Variants in HLA-DQB1 observed in about 807,000 individuals in gnomAD.
HLA-DQB1 encodes HLA class II histocompatibility antigen, DQ beta 1 chain.
HLA-DQB1 carries 13 observed loss-of-function variants against 26.4 expected under a neutral mutation model. The ratio of observed to expected loss-of-function variants is 0.49; its 90% CI spans 0.32 to 0.78. The LOEUF (loss-of-function observed/expected upper bound fraction) is 0.78. Among genes scored for constraint, HLA-DQB1 ranks in the 30% least tolerant of loss-of-function variants. The pLI, the probability that HLA-DQB1 is intolerant of heterozygous loss-of-function variation, is 0.03. For missense variants in HLA-DQB1, 158 were observed against 326.2 expected (o/e 0.48, Z 3.97); for synonymous variants, 60 against 129.1 (o/e 0.46, Z 3.63).
chr6:32,666,129 C>A (rs9274494), intron 1 of HLA-DQB1, among the ~76,000 whole-genome samples: 101,859 of 135,134 alleles, frequency 0.75, 39,048 homozygotes, highest in East Asian at 0.91. Flanking sequence ...ATCTCATAAT[C>A]CTAAGTCCAG....
intron 1 of HLA-DQB1, among the ~76,000 whole-genome samples, chr6:32,666,124 A>G (rs281861162): frequency 2.3e-5 from 2 of 86,812 alleles, no homozygotes; most frequent in Non-Finnish European, 4.8e-5. Context: ...GCAGGATCTC[A>G]TAATCCTAAG....
At chr6:32,661,591 A>AG (rs28986211) in intron 3 of HLA-DQB1, 134 bp from the exon 4 acceptor site, 19,656 of 503,268 alleles carry the variant, frequency 0.039, 1,371 homozygotes, top group Middle Eastern at 0.061. Context: ...ACCACCCCTA[A>AG]GGAGGGGAAA....
Position 32,666,617 on chromosome 6 carries a change from G to T in HLA-DQB1, c.-10C>A. ...CCTTCTTCCAAGACATAACTGAGAC[G>T]AAGGGAAAAGCAGTGGTAGTCAACA... On this transcript the variant is annotated 5_prime_UTR_variant, in exon 1 of 5. Transcript: ENST00000434651. 5.2e-6 allele frequency: 5 copies of T among 962,220 alleles called. 1 individual carries two copies. Among genetic ancestry groups the T allele is most frequent in the South Asian group, 1.4e-5 (1 of 69,264 alleles). 59.6% of individuals were successfully genotyped at this position (962,220 alleles called of 1,614,324 possible). A position where few individuals can be genotyped will look rare whatever the true frequency, so the allele number is the denominator to read the frequency against.
At chr6:32,665,096 G>GGCCCCGGCCCT in intron 1 of HLA-DQB1, 29 bp from the exon 2 acceptor site, 1 of 1,093,556 alleles carries the variant, frequency 9.1e-7, no homozygotes, top group Non-Finnish European at 1.2e-6. Context: ...CGGTCAGTCA[G>GGCCCCGGCCCT]GCCCCAGCCC....
At chr6:32,662,824 C>G (rs281863742) in intron 2 of HLA-DQB1, 1 of 141,540 alleles carries the variant, frequency 7.1e-6, no homozygotes, top group Non-Finnish European at 1.6e-5. Context: ...TTCTTTTTTT[C>G]CTTAATTTCT....
chr6:32,660,434 T>C, intron 4 of HLA-DQB1, 185 bp from the exon 5 acceptor site: 1 of 347,326 alleles, frequency 2.9e-6, no homozygotes, highest in Non-Finnish European at 5.2e-6. Context: ...AACTTCAGCT[T>C]GATGCAGATG....
intron 4 of HLA-DQB1, 97 bp downstream of exon 4, chr6:32,661,250 A>ACG (rs1782955807): frequency 2.0e-6 from 1 of 507,918 alleles, no homozygotes; most frequent in Admixed American, 4.7e-5. Context: ...ACTTCTTCTC[A>ACG]GGGTCAGGAG....
At chr6:32,666,171 C>A (rs35353422) in intron 1 of HLA-DQB1, among the ~76,000 whole-genome samples, 26,417 of 148,620 alleles carry the variant, frequency 0.18, 2,740 homozygotes, top group Middle Eastern at 0.33. Flanking sequence ...ATGACAAATC[C>A]TGCTGTGTCT....
intron 1 of HLA-DQB1, among the ~76,000 whole-genome samples, chr6:32,665,615 C>G (rs9274457): frequency 0.38 from 46,845 of 124,308 alleles, 12,729 homozygotes; most frequent in Middle Eastern, 0.54. Context: ...AAAGGACCTA[C>G]ACCTCTGAGT....
At chr6:32,666,433 T>C (rs281860905) in intron 1 of HLA-DQB1, 66 bp downstream of exon 1, 2 of 541,740 alleles carry the variant, frequency 3.7e-6, no homozygotes, top group South Asian at 2.4e-5. Flanking sequence ...CCATCCCCCA[T>C]ACCCCAGCCC....
chr6:32,666,058 A>T (rs114494855), intron 1 of HLA-DQB1, among the ~76,000 whole-genome samples: 20,210 of 109,386 alleles, frequency 0.18, 2,416 homozygotes, highest in South Asian at 0.39. Flanking sequence ...GAATAGAGAC[A>T]AATTTTCCTC....
At chr6:32,661,303 C>G in intron 4 of HLA-DQB1, 44 bp downstream of exon 4, 1 of 1,182,950 alleles carries the variant, frequency 8.5e-7, no homozygotes, top group Non-Finnish European at 1.2e-6. Flanking sequence ...AACAGAGGGT[C>G]TGGGTCACAG....
At chr6:32,665,101 C>CAGCCGGGCCCT in intron 1 of HLA-DQB1, 34 bp from the exon 2 acceptor site, 1 of 1,113,578 alleles carries the variant, frequency 9.0e-7, no homozygotes, top group Non-Finnish European at 1.2e-6. Flanking sequence ...AGTCAGGCCC[C>CAGCCGGGCCCT]AGCCCGGCCG....
chr6:32,662,120 C>T lies in HLA-DQB1; in HGVS notation c.508G>A (p.Glu170Lys), dbSNP rs746286195. The change falls in exon 3 of 5, where the codon GAG becomes AAG. Residue 170 changes from glutamate to lysine, a missense_variant. By Grantham distance (56) the Glu-to-Lys change is moderately conservative. Transcript: ENST00000434651. Reference sequence around the variant, plus strand: ...GGGGTGGACACAACGCCGGCTGTCTCCTCCTGATCATTCCGAAACCACCGG... The same window carrying T: ...GGGGTGGACACAACGCCGGCTGTCTTCTCCTGATCATTCCGAAACCACCGG... 5 of 1,479,586 alleles carry T rather than the reference C, an allele frequency of 3.4e-6. No homozygotes were observed. The African/African-American group carries it at 5.9e-5, about 17-fold the overall frequency. The allele number at this position is 1,479,586 out of a possible 1,614,324, so 91.7% of individuals were successfully genotyped here.
intron 2 of HLA-DQB1, 200 bp downstream of exon 2, chr6:32,664,598 C>A (rs1207932932): frequency 2.0e-5 from 6 of 298,952 alleles, no homozygotes; most frequent in Non-Finnish European, 3.6e-5. Context: ...GCCTGGCCAA[C>A]TCTGCTTGTC....
At chr6:32,663,568 A>C (rs9274252) in intron 2 of HLA-DQB1, 50,613 of 119,826 alleles carry the variant, frequency 0.42, 10,447 homozygotes, top group Middle Eastern at 0.57. Flanking sequence ...TTGGTGAGTA[A>C]TTGTGGGCTG....
At chr6:32,663,189 TCA>T (rs1783361013) in intron 2 of HLA-DQB1, 2 of 131,618 alleles carry the variant, frequency 1.5e-5, no homozygotes, top group Admixed American at 8.3e-5. Flanking sequence ...TTGTTCATCT[TCA>T]ACAGACTGGG....
At chr6:32,661,985 G>A (rs9273923) in exon 3 of HLA-DQB1, 1 of 1,552,498 alleles carries the variant, frequency 6.4e-7, no homozygotes, top group Non-Finnish European at 8.8e-7. Context: ...ACGGTGATGG[G>A]GCTCTGGAGG....
intron 1 of HLA-DQB1, among the ~76,000 whole-genome samples, chr6:32,665,639 A>G (rs41263832): frequency 0.12 from 15,541 of 129,196 alleles, 1,613 homozygotes; most frequent in Middle Eastern, 0.24. Flanking sequence ...AGATAGAGAC[A>G]TTTATTCATG....
Sources: allele counts gnomAD v4.1 joint callset (sites outside exome capture counted in the v4.1 genomes callset), GRCh38; gene constraint gnomAD v4.1.1; transcripts MANE v1.5; gene names NCBI Gene and HGNC (gene_info 2026-07-23, HGNC 2026-07-21).